The following PDGFD variants were observed in gnomAD, a reference collection of about 807,000 sequenced individuals.
PDGFD encodes the protein platelet-derived growth factor D.
In PDGFD, 30 loss-of-function variants were observed where a neutral mutation model predicts 44.7. The ratio of observed to expected loss-of-function variants is 0.67; its 90% CI spans 0.50 to 0.91. The LOEUF (loss-of-function observed/expected upper bound fraction) is 0.91. Among genes scored for constraint, PDGFD ranks in the 40% least tolerant of loss-of-function variants. PDGFD has a pLI of 0.00. For missense variants in PDGFD, 445 were observed against 457.8 expected (o/e 0.97, Z 0.25); for synonymous variants, 173 against 168.4 (o/e 1.03, Z -0.21).
chr11:103,913,482 T>C (rs1464747773), intron 6 of PDGFD, among the ~76,000 whole-genome samples: 3 of 152,096 alleles, frequency 2.0e-5, no homozygotes, highest in Admixed American at 6.6e-5. Context: ...TACCAGAATC[T>C]CTGGGGCATA....
intron 3 of PDGFD, among the ~76,000 whole-genome samples, chr11:103,987,388 T>C (rs962436615): frequency 6.6e-6 from 1 of 152,166 alleles, no homozygotes; most frequent in African/African-American, 2.4e-5. Flanking sequence ...CTAAGCACAA[T>C]GTACCTCCTT....
chr11:104,132,376 G>A lies in PDGFD; in HGVS notation c.124+31428C>T, dbSNP rs146304386. Among the ~76,000 whole-genome samples the A allele has an allele frequency of 3.3e-3, 495 of 151,500 alleles. 4 individuals carry two copies. Among genetic ancestry groups the A allele is most frequent in the African/African-American group, 0.011 (468 of 41,348 alleles). On this transcript the variant is annotated intron_variant, in intron 1 of 6. Coordinates refer to ENST00000393158, the MANE Select transcript of PDGFD (RefSeq NM_025208.5). ...AAAAATTATTTTTTCTTTTTTTTCT[G>A]CTCTGTACAGAGATGTAACAAGATA...
chr11:103,943,300 C>T (rs1029085769), intron 5 of PDGFD, 152 bp downstream of exon 5: 26 of 699,936 alleles, frequency 3.7e-5, no homozygotes, highest in Non-Finnish European at 6.0e-5. Context: ...GGATACTGAG[C>T]CAGCAAGTAT....
intron 1 of PDGFD, chr11:104,037,914 A>T (rs1250354050): frequency 6.2e-7 from 1 of 1,614,166 alleles, no homozygotes; most frequent in Admixed American, 1.7e-5. Context: ...TTCCTGAGGG[A>T]GAGTTGCCCT....
At chr11:104,141,399 AT>A (rs11392568) in intron 1 of PDGFD, among the ~76,000 whole-genome samples, 3,630 of 147,562 alleles carry the variant, frequency 0.025, 140 homozygotes, top group African/African-American at 0.084. Context: ...ATTTAATTTA[AT>A]TTTTTTTTTT....
chr11:104,037,096 C>T, intron 1 of PDGFD: 1 of 1,614,162 alleles, frequency 6.2e-7, no homozygotes, highest in Non-Finnish European at 8.5e-7. Flanking sequence ...CCCGAACCAG[C>T]CTCGTGTAGA....
At chr11:104,161,493 T>C (rs1349841227) in intron 1 of PDGFD, among the ~76,000 whole-genome samples, 1 of 152,208 alleles carries the variant, frequency 6.6e-6, no homozygotes. Flanking sequence ...CATAGCCCCA[T>C]TATTCTTACT....
At chr11:104,060,221 C>T (rs1860690915) in intron 1 of PDGFD, among the ~76,000 whole-genome samples, 2 of 152,242 alleles carry the variant, frequency 1.3e-5, no homozygotes, top group Admixed American at 1.3e-4. Flanking sequence ...GGCATCTTCA[C>T]TTCTAGATCT....
rs184564225 is a variant in PDGFD at position 103,913,566 on chromosome 11, A to T, written c.988-3747T>A. Among the ~76,000 whole-genome samples, 22 of 152,340 alleles carry T rather than the reference A, an allele frequency of 1.4e-4. No homozygotes were observed. In the East Asian group the frequency reaches 4.0e-3, roughly 28 times the overall value. On this transcript the variant is annotated intron_variant, in intron 6 of 6. Coordinates refer to ENST00000393158, the MANE Select transcript of PDGFD (RefSeq NM_025208.5). ...AGAAAGCAGGAAATATCTAAAATAG[A>T]CACCTTAACATCACAATTAAAAGAA...
intron 4 of PDGFD, among the ~76,000 whole-genome samples, chr11:103,945,343 T>A (rs1293009024): frequency 6.6e-6 from 1 of 152,180 alleles, no homozygotes; most frequent in Non-Finnish European, 1.5e-5. Context: ...CTGACACACA[T>A]CATTTCTGTC....
intron 1 of PDGFD, among the ~76,000 whole-genome samples, chr11:104,086,269 T>G (rs982648997): frequency 6.6e-6 from 1 of 152,118 alleles, no homozygotes; most frequent in African/African-American, 2.4e-5. Context: ...ACTGGGCTAA[T>G]TTACATATTT....
chr11:104,116,755 G>A (rs914423276), intron 1 of PDGFD, among the ~76,000 whole-genome samples: 30 of 152,086 alleles, frequency 2.0e-4, no homozygotes, highest in African/African-American at 6.0e-4. Flanking sequence ...GGACCCAGGG[G>A]GAGGTAATTG....
rs753481786 is a variant in PDGFD, at chr11:103,965,113, G to T, written c.511-17389C>A. Among the ~76,000 whole-genome samples, 6 of 152,134 alleles carry T rather than the reference G, an allele frequency of 3.9e-5. No homozygotes were observed. The South Asian group carries it at 6.2e-4, about 16-fold the overall frequency. On this transcript the variant is annotated intron_variant, in intron 3 of 6. Coordinates refer to ENST00000393158, the MANE Select transcript of PDGFD (RefSeq NM_025208.5). ...TGAAAAGGAAAACTTTTTATTTTAT[G>T]TGAAATGATATGTAGACCTTGATAT...
intron 1 of PDGFD, among the ~76,000 whole-genome samples, chr11:104,158,195 T>C (rs943345001): frequency 7.2e-5 from 11 of 152,204 alleles, no homozygotes; most frequent in African/African-American, 2.7e-4. Context: ...CAAAATACAT[T>C]TTCTCAAGTA....
At chr11:103,998,369 T>TCTGGGGAGGGAGAGGGC (rs1188850475) in intron 2 of PDGFD, among the ~76,000 whole-genome samples, 2 of 152,132 alleles carry the variant, frequency 1.3e-5, no homozygotes, top group Non-Finnish European at 2.9e-5. Context: ...CCCCTAGACC[T>TCTGGGGAGGGAGAGGGC]CTGGGGAGGG....
In PDGFD at chr11:103,968,673, A is replaced by T. The variant is rs148208536; in HGVS notation, c.511-20949T>A. Among the ~76,000 whole-genome samples, 19 of 152,294 alleles carry T rather than the reference A, an allele frequency of 1.2e-4. No individual in the cohort carries two copies. In the East Asian group the frequency reaches 3.5e-3, roughly 28 times the overall value. The stretch of plus-strand genomic sequence containing the variant: ...TGCTATGACAGCCTCCTAAATAAAC[A>T]GTCTTTCTCAATTCTTGCAGAGCTG... On this transcript the variant is annotated intron_variant, in intron 3 of 6. Coordinates refer to ENST00000393158, the MANE Select transcript of PDGFD (RefSeq NM_025208.5).
intron 5 of PDGFD, among the ~76,000 whole-genome samples, chr11:103,932,773 G>A (rs1272907115): frequency 1.3e-5 from 2 of 152,086 alleles, no homozygotes; most frequent in Non-Finnish European, 2.9e-5. Context: ...GATAAACCAT[G>A]GATTTTTTCA....
intron 1 of PDGFD, among the ~76,000 whole-genome samples, chr11:104,126,167 T>A (rs1018635581): frequency 7.9e-5 from 12 of 152,158 alleles, no homozygotes; most frequent in African/African-American, 2.9e-4. Flanking sequence ...AAACTTAGTC[T>A]ACACGCAATG....
intron 1 of PDGFD, among the ~76,000 whole-genome samples, chr11:104,007,480 G>A (rs1423514801): frequency 6.6e-6 from 1 of 152,158 alleles, no homozygotes; most frequent in Admixed American, 6.6e-5. Context: ...GATGCAAAAG[G>A]AAAATAGTTG....
Sources: gnomAD v4.1 joint callset for allele counts (sites outside exome capture counted in the v4.1 genomes callset) on GRCh38, gnomAD v4.1.1 for gene constraint, MANE v1.5 for transcripts, NCBI Gene and HGNC (gene_info 2026-07-23, HGNC 2026-07-21) for gene names.